NTRK2: variants seen among roughly 807,000 people sequenced by gnomAD.
NTRK2 encodes neurotrophic receptor tyrosine kinase 2, also known as BDNF/NT-3 growth factors receptor.
A neutral mutation model predicts 94.5 loss-of-function variants in NTRK2; 13 were observed. The ratio of observed to expected loss-of-function variants is 0.14; its 90% CI spans 0.09 to 0.22. The LOEUF is 0.22. Among genes scored for constraint, NTRK2 ranks in the 10% least tolerant of loss-of-function variants. NTRK2 has a pLI of 1.00. For missense variants in NTRK2, 639 were observed against 1,071.2 expected (o/e 0.60, Z 5.63); for synonymous variants, 372 against 407.4 (o/e 0.91, Z 1.05).
chr9:84,680,108 G>C (rs527908078), intron 2 of NTRK2, among the ~76,000 whole-genome samples: 1 of 152,174 alleles, frequency 6.6e-6, no homozygotes, highest in East Asian at 1.9e-4. Flanking sequence ...CATCTTGGTG[G>C]AATAGTTTGT....
At chr9:84,824,806 G>T (rs1040341449) in intron 12 of NTRK2, among the ~76,000 whole-genome samples, 8 of 152,132 alleles carry the variant, frequency 5.3e-5, no homozygotes, top group Non-Finnish European at 1.2e-4. Context: ...GCCACAGTAT[G>T]TAGGCTGTTT....
At chr9:84,788,570 A>G (rs1286161733) in intron 12 of NTRK2, among the ~76,000 whole-genome samples, 1 of 152,194 alleles carries the variant, frequency 6.6e-6, no homozygotes, top group Admixed American at 6.5e-5. Context: ...TGTAGAGGCC[A>G]AGAGTCTCCC....
chr9:84,852,983 ACT>A (rs1484563753), intron 12 of NTRK2, among the ~76,000 whole-genome samples: 1 of 148,738 alleles, frequency 6.7e-6, no homozygotes, highest in Non-Finnish European at 1.5e-5. Context: ...TTCAATAAAT[ACT>A]GTTTTTTTTT....
intron 12 of NTRK2, among the ~76,000 whole-genome samples, chr9:84,795,358 C>A (rs2069184818): frequency 6.6e-6 from 1 of 152,202 alleles, no homozygotes. Context: ...CCAACACGCC[C>A]AGGGACAGTC....
At chr9:84,698,917 T>C (rs2060551024) in intron 2 of NTRK2, among the ~76,000 whole-genome samples, 1 of 152,204 alleles carries the variant, frequency 6.6e-6, no homozygotes, top group South Asian at 2.1e-4. Context: ...TAAGGAGAGT[T>C]TCTTAGGGGG....
At chr9:85,013,323 G>T (rs1831842464) in intron 17 of NTRK2, among the ~76,000 whole-genome samples, 1 of 152,114 alleles carries the variant, frequency 6.6e-6, no homozygotes, top group Non-Finnish European at 1.5e-5. Context: ...TTTTTTCTGA[G>T]ATGGAGTCTC....
At chr9:84,937,605 A>G (rs1036814073) in intron 15 of NTRK2, among the ~76,000 whole-genome samples, 2 of 152,148 alleles carry the variant, frequency 1.3e-5, no homozygotes, top group Non-Finnish European at 2.9e-5. Context: ...CTTTCCTGAT[A>G]TCTTTGGATG....
At chr9:84,882,732 G>A (rs942304391) in intron 14 of NTRK2, among the ~76,000 whole-genome samples, 7 of 151,570 alleles carry the variant, frequency 4.6e-5, no homozygotes, top group Non-Finnish European at 1.0e-4. Context: ...GCGCGCGCGC[G>A]CATGTGTGCA....
At chr9:84,872,459 G>T (rs1043532867) in intron 14 of NTRK2, 1 of 1,074,068 alleles carries the variant, frequency 9.3e-7, no homozygotes, top group East Asian at 4.8e-5. Flanking sequence ...TTGTAAATTA[G>T]CTAGGGTCCT....
At chr9:84,857,995 GT>G (rs943909066) in intron 12 of NTRK2, among the ~76,000 whole-genome samples, 136 of 152,220 alleles carry the variant, frequency 8.9e-4, no homozygotes, top group African/African-American at 3.2e-3. Context: ...TTCCTTCTAA[GT>G]TCCTTAGGGA....
At chr9:84,892,299 G>C (rs2132310718) in intron 14 of NTRK2, among the ~76,000 whole-genome samples, 1 of 152,278 alleles carries the variant, frequency 6.6e-6, no homozygotes, top group African/African-American at 2.4e-5. Context: ...GCACTGCCCT[G>C]ATTGCCTTAG....
chr9:84,709,279 G>A (rs1434802937), intron 5 of NTRK2, among the ~76,000 whole-genome samples: 2 of 152,158 alleles, frequency 1.3e-5, no homozygotes, highest in African/African-American at 4.8e-5. Flanking sequence ...TATGAACATT[G>A]CTGTATTCAT....
rs141171851 is a variant in NTRK2, at chr9:84,841,356, T to C, written c.1397-19684T>C. 3.2e-4 allele frequency among the ~76,000 whole-genome samples: 48 copies of C among 152,354 alleles called. No individual in the cohort carries two copies. The Middle Eastern group carries it at 0.01, about 32-fold the overall frequency. ...AAATGGACACCCAGGCTGAAACCTGTGAGTCCTTGTGACCCCTCTCTTCAC... is the reference window on the plus strand; with the variant it reads ...AAATGGACACCCAGGCTGAAACCTGCGAGTCCTTGTGACCCCTCTCTTCAC... On this transcript the variant is annotated intron_variant, in intron 12 of 18. Coordinates refer to ENST00000277120, the MANE Select transcript of NTRK2 (RefSeq NM_006180.6).
intron 2 of NTRK2, among the ~76,000 whole-genome samples, chr9:84,700,266 TGTG>T (rs1378315054): frequency 6.6e-6 from 1 of 152,254 alleles, no homozygotes; most frequent in Non-Finnish European, 1.5e-5. Context: ...GTGAGGTCAC[TGTG>T]GTCTCTATTG....
At chr9:84,678,638 G>A (rs2131367211) in intron 2 of NTRK2, among the ~76,000 whole-genome samples, 2 of 152,234 alleles carry the variant, frequency 1.3e-5, no homozygotes, top group Non-Finnish European at 2.9e-5. Context: ...GGTGGAGGGT[G>A]CTGGGCAAGA....
intron 12 of NTRK2, chr9:84,813,427 A>G: frequency 9.4e-7 from 1 of 1,063,998 alleles, no homozygotes; most frequent in East Asian, 5.0e-5. Flanking sequence ...CTGCCAGTTT[A>G]TTACTTTTGT....
chr9:84,856,404 A>C (rs1301473555), intron 12 of NTRK2, among the ~76,000 whole-genome samples: 1 of 152,200 alleles, frequency 6.6e-6, no homozygotes, highest in Non-Finnish European at 1.5e-5. Flanking sequence ...AATTAATTTG[A>C]AGCAAACTAT....
chr9:84,844,314 C>A (rs1205682787), intron 12 of NTRK2, among the ~76,000 whole-genome samples: 1 of 152,118 alleles, frequency 6.6e-6, no homozygotes, highest in Non-Finnish European at 1.5e-5. Flanking sequence ...CTTAGTCCAG[C>A]CATGGATGGT....
At chr9:84,829,720 C>T (rs1236893141) in intron 12 of NTRK2, among the ~76,000 whole-genome samples, 1 of 152,200 alleles carries the variant, frequency 6.6e-6, no homozygotes, top group Non-Finnish European at 1.5e-5. Flanking sequence ...GGGGGTCCAT[C>T]AGATGCCTTC....
Sources: gnomAD v4.1 joint callset for allele counts (sites outside exome capture counted in the v4.1 genomes callset) on GRCh38, gnomAD v4.1.1 for gene constraint, MANE v1.5 for transcripts, NCBI Gene and HGNC (gene_info 2026-07-23, HGNC 2026-07-21) for gene names.